The following TNIK variants were observed in gnomAD, a reference collection of about 807,000 sequenced individuals.
The protein encoded by TNIK is TRAF2 and NCK-interacting protein kinase.
In TNIK, 49 loss-of-function variants were observed where a neutral mutation model predicts 191.3. That is an observed-to-expected ratio of 0.26 (90% CI 0.20 to 0.32). The LOEUF is 0.32. Among genes scored for constraint, TNIK ranks in the 10% least tolerant of loss-of-function variants. The pLI is 1.00. For missense variants in TNIK, 1,155 were observed against 1,702.3 expected, an observed-to-expected ratio of 0.68 and a Z score of 5.66; for synonymous variants, 594 against 600.9, an observed-to-expected ratio of 0.99 and a Z score of 0.17.
At chr3:171,169,845 C>A (rs1735070693) in intron 9 of TNIK, among the ~76,000 whole-genome samples, 1 of 152,164 alleles carries the variant, frequency 6.6e-6, no homozygotes, top group African/African-American at 2.4e-5. Flanking sequence ...AACTTTGGGC[C>A]TAAAAGATGG....
intron 2 of TNIK, among the ~76,000 whole-genome samples, chr3:171,246,651 G>C (rs1263150257): frequency 6.6e-6 from 1 of 152,136 alleles, no homozygotes; most frequent in African/African-American, 2.4e-5. Flanking sequence ...GCTTTCATTA[G>C]ATTGAAAATA....
rs116183719 is a variant in TNIK, at chr3:171,443,533, G to A, written c.57+16474C>T. Among the ~76,000 whole-genome samples the A allele has an allele frequency of 3.1e-3, 467 of 152,120 alleles. 5 individuals carry two copies. The highest frequency in any genetic ancestry group is 0.011 in the African/African-American group (452 of 41,508). On this transcript the variant is annotated intron_variant, in intron 1 of 32. Transcript: ENST00000436636. ...CCCATCTAGAGCAGTTAGTATTCCC[G>A]ATTTAAAGGCTTGAACAGGGCCCAG...
intron 4 of TNIK, among the ~76,000 whole-genome samples, chr3:171,196,859 A>T (rs187071353): frequency 9.5e-4 from 145 of 152,118 alleles, no homozygotes; most frequent in South Asian, 3.5e-3. Flanking sequence ...GGTTCACACC[A>T]TTCTCCTGCC....
At chr3:171,144,587 G>A (rs1243431946) in intron 12 of TNIK, among the ~76,000 whole-genome samples, 5 of 150,204 alleles carry the variant, frequency 3.3e-5, no homozygotes, top group Non-Finnish European at 7.4e-5. Flanking sequence ...AGTGTAATTA[G>A]CATATCTACC....
At chr3:171,230,859 G>C (rs551147641) in intron 2 of TNIK, among the ~76,000 whole-genome samples, 34 of 151,912 alleles carry the variant, frequency 2.2e-4, no homozygotes, top group African/African-American at 8.2e-4. Context: ...TTCCCCTGTG[G>C]CTCCATTTGC....
rs138285368 is a variant in TNIK, at chr3:171,060,881, C to T, written c.*3000G>A. ...TTACTGGATGATTATTAATTTAGAG[C>T]AGTAAGAACTGGCAGATCTAGTGAA... On this transcript the variant is annotated 3_prime_UTR_variant, in exon 33 of 33. Transcript: ENST00000436636. Among the ~76,000 whole-genome samples, 53 of 152,214 alleles carry T rather than the reference C, an allele frequency of 3.5e-4. No individual in the cohort carries two copies. In the East Asian group the frequency reaches 8.7e-3, roughly 25 times the overall value.
At chr3:171,459,920 G>GCCCCCCCCCCCCCCC in intron 1 of TNIK, 87 bp downstream of exon 1, 4 of 1,157,386 alleles carry the variant, frequency 3.5e-6, no homozygotes, top group Non-Finnish European at 5.0e-6. Context: ...CTGTCCCCCT[G>GCCCCCCCCCCCCCCC]CCCCAGCCCC....
At position 171,126,129 on chromosome 3, in the gene TNIK, T is replaced by C; in HGVS notation, c.1796A>G (p.Lys599Arg). ...GGCGGTCAAGGCAGGTCCCTGGGATTTTACAGCTACCAGATGTGGGATCTA... is the reference window on the plus strand; with the variant it reads ...GGCGGTCAAGGCAGGTCCCTGGGATCTTACAGCTACCAGATGTGGGATCTA... ...DPQIPHLVAV[K>R]SQGPALTASQ... The change falls in exon 17 of 33, where the codon AAA (lysine) becomes AGA (arginine). Residue 599 changes from lysine (K) to arginine (R), a missense_variant. Around this residue, in one of 3 missense-constraint regions of TNIK, gnomAD observed 735 missense variants for 848.0 expected, o/e 0.87. Transcript: ENST00000436636. 6.5e-7 allele frequency: 1 copy of C among 1,549,732 alleles called. No homozygotes were observed. The highest frequency in any genetic ancestry group is 8.7e-7 in the Non-Finnish European group (1 of 1,151,378).
At chr3:171,411,729 C>A (rs549099448) in intron 1 of TNIK, among the ~76,000 whole-genome samples, 1 of 152,066 alleles carries the variant, frequency 6.6e-6, no homozygotes, top group Non-Finnish European at 1.5e-5. Flanking sequence ...CTACTAGTAC[C>A]AAAGAATATA....
At chr3:171,453,633 T>A (rs2108736276) in intron 1 of TNIK, among the ~76,000 whole-genome samples, 1 of 152,204 alleles carries the variant, frequency 6.6e-6, no homozygotes, top group African/African-American at 2.4e-5. Flanking sequence ...CTCACGTGGC[T>A]ACAGTGTACG....
chr3:171,123,582 C>A lies in TNIK; in HGVS notation c.2120+14G>T. 1 of 1,531,154 alleles carries A rather than the reference C, an allele frequency of 6.5e-7. No homozygotes were observed. The highest frequency in any genetic ancestry group is 8.8e-7 in the Non-Finnish European group (1 of 1,138,100). 94.8% of individuals were successfully genotyped at this position (1,531,154 alleles called of 1,614,324 possible). On this transcript the variant is annotated intron_variant, in intron 18 of 32. Coordinates refer to ENST00000436636, the MANE Select transcript of TNIK (RefSeq NM_015028.4). ...GGAGTTTCTTCTTTTACCATAACCA[C>A]CTTCCTTTCTTACCTTGCTCTGATG...
intron 2 of TNIK, among the ~76,000 whole-genome samples, chr3:171,255,831 G>A (rs571277135): frequency 4.6e-5 from 7 of 152,252 alleles, no homozygotes; most frequent in East Asian, 1.9e-4. Context: ...TTGAAGAGCC[G>A]TAAATGCCAC....
chr3:171,273,585 C>T (rs1250737025), intron 2 of TNIK, among the ~76,000 whole-genome samples: 1 of 152,134 alleles, frequency 6.6e-6, no homozygotes, highest in Non-Finnish European at 1.5e-5. Flanking sequence ...GATAGTTGTT[C>T]AAATTAATGT....
intron 2 of TNIK, among the ~76,000 whole-genome samples, chr3:171,351,320 ATG>A (rs1351429048): frequency 8.2e-6 from 1 of 122,264 alleles, no homozygotes; most frequent in Non-Finnish European, 1.9e-5. Flanking sequence ...AGGTGTGTAT[ATG>A]TGTGTCTGAG....
chr3:171,458,981 C>G (rs1388889589), intron 1 of TNIK, among the ~76,000 whole-genome samples: 1 of 152,154 alleles, frequency 6.6e-6, no homozygotes. Flanking sequence ...GCTCTGCCCC[C>G]TTCCCCAAAG....
intron 1 of TNIK, among the ~76,000 whole-genome samples, chr3:171,385,290 C>A (rs913341813): frequency 6.6e-6 from 1 of 152,210 alleles, no homozygotes; most frequent in Middle Eastern, 3.4e-3. Flanking sequence ...AAGGAATTCA[C>A]AGCAAACCTG....
chr3:171,158,714 CAG>C (rs1350115106), intron 11 of TNIK, among the ~76,000 whole-genome samples: 2 of 152,094 alleles, frequency 1.3e-5, no homozygotes, highest in African/African-American at 2.4e-5. Context: ...GACACACATA[CAG>C]ACAAATAATT....
intron 3 of TNIK, among the ~76,000 whole-genome samples, chr3:171,214,519 C>T (rs9864934): frequency 0.058 from 8,793 of 152,154 alleles, 286 homozygotes; most frequent in African/African-American, 0.086. Context: ...TTTGAATAGC[C>T]TCTATTTGTA....
At chr3:171,339,886 A>C (rs1333393857) in intron 2 of TNIK, among the ~76,000 whole-genome samples, 1 of 152,114 alleles carries the variant, frequency 6.6e-6, no homozygotes, top group African/African-American at 2.4e-5. Context: ...AGCCCCTCCC[A>C]GTCTGCCTCT....
Sources: gnomAD v4.1 joint callset for allele counts (sites outside exome capture counted in the v4.1 genomes callset) on GRCh38, gnomAD v4.1.1 for gene constraint, gnomAD v4.1.1 regional missense constraint, MANE v1.5 for transcripts, NCBI Gene and HGNC (gene_info 2026-07-23, HGNC 2026-07-21) for gene names.